Variants in SH3GL2 observed in about 807,000 individuals in gnomAD.
SH3GL2 encodes endophilin-A1.
SH3GL2 carries 24 observed loss-of-function variants against 46.0 expected under a neutral mutation model. That is an observed-to-expected ratio of 0.52 (90% CI 0.38 to 0.73). The LOEUF (loss-of-function observed/expected upper bound fraction) is 0.73, where lower values mean the gene tolerates loss of function less well. SH3GL2 is among the 30% of genes least tolerant of loss of function. The pLI, the probability that SH3GL2 is intolerant of heterozygous loss-of-function variation, is 0.00. For synonymous variants in SH3GL2, 196 were observed against 147.1 expected (o/e 1.33, Z -2.40); for missense variants, 413 against 424.2 (o/e 0.97, Z 0.23).
At chr9:17,638,602 A>T (rs920696446) in intron 1 of SH3GL2, among the ~76,000 whole-genome samples, 6 of 152,172 alleles carry the variant, frequency 3.9e-5, no homozygotes, top group Non-Finnish European at 8.8e-5. Context: ...AAAGAATGAG[A>T]CACTGCCACC....
chr9:17,645,376 A>C (rs932744437), intron 1 of SH3GL2, among the ~76,000 whole-genome samples: 8 of 151,886 alleles, frequency 5.3e-5, no homozygotes, highest in African/African-American at 1.9e-4. Flanking sequence ...TTTACATTTA[A>C]GGTTAATATT....
chr9:17,729,986 A>G (rs1822128809), intron 1 of SH3GL2, among the ~76,000 whole-genome samples: 1 of 150,988 alleles, frequency 6.6e-6, no homozygotes, highest in African/African-American at 2.5e-5. Context: ...AGTTTTTTCT[A>G]ATTCTGTGAA....
intron 2 of SH3GL2, among the ~76,000 whole-genome samples, chr9:17,752,421 T>C (rs1822872454): frequency 6.6e-6 from 1 of 152,190 alleles, no homozygotes. Flanking sequence ...TTTTTAATAT[T>C]TCTTTTATGT....
chr9:17,760,123 C>G (rs1563842829), intron 2 of SH3GL2, among the ~76,000 whole-genome samples: 1 of 152,140 alleles, frequency 6.6e-6, no homozygotes, highest in Non-Finnish European at 1.5e-5. Context: ...GGTACACACT[C>G]AATCTTAAAG....
chr9:17,657,544 C>G (rs956592456), intron 1 of SH3GL2, among the ~76,000 whole-genome samples: 1 of 152,152 alleles, frequency 6.6e-6, no homozygotes, highest in African/African-American at 2.4e-5. Flanking sequence ...TGTTTCCTCT[C>G]TGTGAATTAA....
chr9:17,600,275 TTTGA>T (rs1818645046), intron 1 of SH3GL2, among the ~76,000 whole-genome samples: 1 of 152,184 alleles, frequency 6.6e-6, no homozygotes, highest in African/African-American at 2.4e-5. Flanking sequence ...TCTTAAACTG[TTTGA>T]TTATTAATTA....
intron 1 of SH3GL2, among the ~76,000 whole-genome samples, chr9:17,712,396 T>A (rs1487756831): frequency 1.3e-5 from 2 of 151,858 alleles, no homozygotes; most frequent in African/African-American, 4.8e-5. Context: ...AACCCAAGTT[T>A]ACAAAGATTT....
At chr9:17,698,927 C>A (rs11793089) in intron 1 of SH3GL2, among the ~76,000 whole-genome samples, 1 of 151,894 alleles carries the variant, frequency 6.6e-6, no homozygotes, top group Non-Finnish European at 1.5e-5. Context: ...GAGGCCAAGG[C>A]GGGTGGCTCA....
At chr9:17,658,652 C>T (rs548741041) in intron 1 of SH3GL2, among the ~76,000 whole-genome samples, 30 of 152,338 alleles carry the variant, frequency 2.0e-4, no homozygotes, top group Admixed American at 3.9e-4. Flanking sequence ...CTTTAAGCTG[C>T]ATTTGCATAG....
intron 1 of SH3GL2, among the ~76,000 whole-genome samples, chr9:17,643,079 A>G (rs943437708): frequency 6.6e-6 from 1 of 152,154 alleles, no homozygotes; most frequent in African/African-American, 2.4e-5. Flanking sequence ...AGTGGTTTGT[A>G]GTTCTCCTTG....
At chr9:17,589,029 TTG>T (rs991010500) in intron 1 of SH3GL2, 34 of 152,194 alleles carry the variant, frequency 2.2e-4, no homozygotes, top group African/African-American at 7.7e-4. Context: ...AATTAATTAA[TTG>T]TGTGTCTGTA....
chr9:17,752,530 C>G (rs150491330), intron 2 of SH3GL2, among the ~76,000 whole-genome samples: 1 of 151,934 alleles, frequency 6.6e-6, no homozygotes, highest in African/African-American at 2.4e-5. Flanking sequence ...TGAGGTCTCA[C>G]TCTATTGTCC....
At chr9:17,738,705 A>G (rs1822437205) in intron 1 of SH3GL2, among the ~76,000 whole-genome samples, 1 of 145,896 alleles carries the variant, frequency 6.9e-6, no homozygotes, top group Non-Finnish European at 1.5e-5. Flanking sequence ...GCCTCATGTG[A>G]TTATGTTTGA....
intron 1 of SH3GL2, among the ~76,000 whole-genome samples, chr9:17,658,780 G>A (rs1395076869): frequency 6.6e-6 from 1 of 152,190 alleles, no homozygotes; most frequent in East Asian, 1.9e-4. Flanking sequence ...CTGAAAAGCT[G>A]TTGGAAATTA....
intron 1 of SH3GL2, among the ~76,000 whole-genome samples, chr9:17,585,856 A>G (rs981660063): frequency 2.0e-5 from 3 of 152,194 alleles, no homozygotes; most frequent in Non-Finnish European, 2.9e-5. Context: ...TGAGGCAGCA[A>G]GAGGCAGCAG....
intron 2 of SH3GL2, among the ~76,000 whole-genome samples, chr9:17,753,363 A>G (rs1424096364): frequency 2.0e-5 from 3 of 152,174 alleles, no homozygotes; most frequent in Admixed American, 6.6e-5. Flanking sequence ...CAACCTTGTC[A>G]GCATCTGTTG....
intron 1 of SH3GL2, among the ~76,000 whole-genome samples, chr9:17,700,891 T>C (rs1284209660): frequency 6.6e-6 from 1 of 152,194 alleles, no homozygotes; most frequent in Non-Finnish European, 1.5e-5. Flanking sequence ...TGCACCAACC[T>C]AAATAGAACC....
At chr9:17,584,609 A>G (rs1818338026) in intron 1 of SH3GL2, among the ~76,000 whole-genome samples, 2 of 152,230 alleles carry the variant, frequency 1.3e-5, no homozygotes, top group African/African-American at 2.4e-5. Flanking sequence ...CCTGATCAAA[A>G]TGCAGCCTTC....
In SH3GL2 at chr9:17,700,566, A is replaced by G. The variant is rs114171387; in HGVS notation, c.46-46500A>G. 4.2e-3 allele frequency among the ~76,000 whole-genome samples: 636 copies of G among 152,208 alleles called. 8 individuals are homozygous for G. The highest frequency in any genetic ancestry group is 0.013 in the African/African-American group (532 of 41,544). On this transcript the variant is annotated intron_variant, in intron 1 of 8. Transcript: ENST00000380607. ...TCTGAAGTTAACCAGTTATTTTCTT[A>G]TCTTTTGTTCTTTAGCCAGATTCAT... is the stretch of plus-strand genomic sequence containing the variant.
Sources: allele counts gnomAD v4.1 joint callset (sites outside exome capture counted in the v4.1 genomes callset), GRCh38; gene constraint gnomAD v4.1.1; transcripts MANE v1.5; gene names NCBI Gene and HGNC (gene_info 2026-07-23, HGNC 2026-07-21).